RBFOX1: variants seen among roughly 807,000 people sequenced by gnomAD.
RBFOX1 encodes RNA binding protein fox-1 homolog 1.
RBFOX1 carries 8 observed loss-of-function variants against 57.7 expected under a neutral mutation model. The ratio of observed to expected loss-of-function variants is 0.14; its 90% CI spans 0.08 to 0.25. RBFOX1 has a LOEUF of 0.25. Among genes scored for constraint, RBFOX1 ranks in the 10% least tolerant of loss-of-function variants. The pLI is 1.00. For synonymous variants in RBFOX1, 326 were observed against 222.4 expected (o/e 1.47, Z -4.15); for missense variants, 611 against 548.5 (o/e 1.11, Z -1.14).
chr16:6,423,319 C>G (rs571845726), intron 2 of RBFOX1, among the ~76,000 whole-genome samples: 2 of 152,158 alleles, frequency 1.3e-5, no homozygotes, highest in Admixed American at 1.3e-4. Flanking sequence ...GTCTTCCTGA[C>G]CAGGCGTGGT....
At chr16:7,250,159 A>T (rs2094454004) in intron 4 of RBFOX1, among the ~76,000 whole-genome samples, 1 of 152,094 alleles carries the variant, frequency 6.6e-6, no homozygotes, top group African/African-American at 2.4e-5. Flanking sequence ...TTTTCGAGAG[A>T]AGTATCTTTA....
intron 1 of RBFOX1, among the ~76,000 whole-genome samples, chr16:6,180,588 T>C (rs2097055223): frequency 6.6e-6 from 1 of 151,926 alleles, no homozygotes; most frequent in South Asian, 2.1e-4. Context: ...TTTTTTGAGA[T>C]GGAGTTTCGC....
chr16:5,403,305 G>A (rs1187333303), intron 1 of RBFOX1, among the ~76,000 whole-genome samples: 4 of 147,218 alleles, frequency 2.7e-5, no homozygotes, highest in South Asian at 2.2e-4. Flanking sequence ...TGCCGAGATC[G>A]TGCCATTGCA....
chr16:7,677,280 G>A (rs2073623509), intron 14 of RBFOX1, among the ~76,000 whole-genome samples: 3 of 151,908 alleles, frequency 2.0e-5, no homozygotes, highest in African/African-American at 7.3e-5. Flanking sequence ...CTTTTTACAA[G>A]GTCTTATACC....
chr16:6,920,049 C>T (rs1452659888), intron 3 of RBFOX1, among the ~76,000 whole-genome samples: 1 of 152,074 alleles, frequency 6.6e-6, no homozygotes, highest in Admixed American at 6.6e-5. Context: ...TTTTTCCGTT[C>T]CTGAGTTACT....
intron 1 of RBFOX1, among the ~76,000 whole-genome samples, chr16:5,441,001 A>G (rs960168554): frequency 6.6e-6 from 1 of 152,164 alleles, no homozygotes; most frequent in African/African-American, 2.4e-5. Flanking sequence ...ATACATTTTA[A>G]TGGAAGTAGC....
intron 1 of RBFOX1, among the ~76,000 whole-genome samples, chr16:6,181,569 G>A (rs2097063035): frequency 6.6e-6 from 1 of 152,158 alleles, no homozygotes; most frequent in Non-Finnish European, 1.5e-5. Flanking sequence ...AGCCAGGAAA[G>A]GGCACAACGC....
At chr16:6,835,941 C>T (rs559647891) in intron 3 of RBFOX1, among the ~76,000 whole-genome samples, 5 of 152,096 alleles carry the variant, frequency 3.3e-5, no homozygotes, top group African/African-American at 1.2e-4. Flanking sequence ...TGATAAAGAG[C>T]AGCACCTCCA....
chr16:6,036,989 A>G (rs1029407132), intron 1 of RBFOX1, among the ~76,000 whole-genome samples: 2 of 152,128 alleles, frequency 1.3e-5, no homozygotes, highest in African/African-American at 4.8e-5. Context: ...TTCTGGTGGG[A>G]CTGTGTGTGT....
intron 4 of RBFOX1, among the ~76,000 whole-genome samples, chr16:7,150,150 C>G (rs1034077949): frequency 1.3e-5 from 2 of 152,110 alleles, no homozygotes; most frequent in African/African-American, 4.8e-5. Context: ...TTGATGTTTC[C>G]TATTAGCAGC....
intron 4 of RBFOX1, among the ~76,000 whole-genome samples, chr16:7,121,112 T>C (rs1226389027): frequency 6.6e-6 from 1 of 152,174 alleles, no homozygotes; most frequent in East Asian, 1.9e-4. Context: ...AGGCACCTTC[T>C]GCAACCTGGT....
At chr16:6,687,716 GGGA>G in intron 3 of RBFOX1, among the ~76,000 whole-genome samples, 1 of 152,122 alleles carries the variant, frequency 6.6e-6, no homozygotes, top group Non-Finnish European at 1.5e-5. Flanking sequence ...GCAGCGGCCG[GGGA>G]GGACAGAGGA....
intron 3 of RBFOX1, among the ~76,000 whole-genome samples, chr16:6,930,264 A>T (rs774445394): frequency 6.6e-6 from 1 of 152,244 alleles, no homozygotes; most frequent in Non-Finnish European, 1.5e-5. Flanking sequence ...AACCGAGCAG[A>T]GGATTTGAAT....
chr16:6,736,800 G>A (rs2154178946), intron 3 of RBFOX1, among the ~76,000 whole-genome samples: 1 of 152,272 alleles, frequency 6.6e-6, no homozygotes, highest in Admixed American at 6.5e-5. Flanking sequence ...GACCATGTAT[G>A]GAATGCTGTA....
intron 2 of RBFOX1, among the ~76,000 whole-genome samples, chr16:6,452,723 C>T (rs2094661950): frequency 6.6e-6 from 1 of 152,210 alleles, no homozygotes; most frequent in South Asian, 2.1e-4. Flanking sequence ...TTAGCCTTTG[C>T]AGTTAGACTG....
chr16:7,510,471 G>C (rs1239992798), intron 4 of RBFOX1, among the ~76,000 whole-genome samples: 1 of 132,308 alleles, frequency 7.6e-6, no homozygotes, highest in Non-Finnish European at 1.6e-5. Context: ...AAGAGAGTGT[G>C]TGTGTGTATG....
chr16:5,977,714 A>G (rs763670410), intron 4 of RBFOX1, among the ~76,000 whole-genome samples: 1 of 152,066 alleles, frequency 6.6e-6, no homozygotes, highest in African/African-American at 2.4e-5. Flanking sequence ...GAAAAGTTAG[A>G]AGAGTGCTCC....
chr16:5,790,802 A>T (rs899543962), intron 3 of RBFOX1, among the ~76,000 whole-genome samples: 1 of 151,390 alleles, frequency 6.6e-6, no homozygotes, highest in Non-Finnish European at 1.5e-5. Flanking sequence ...TTCCAGAGTC[A>T]CTGCTGCTGC....
chr16:6,109,833 C>T (rs1459710962), intron 1 of RBFOX1, among the ~76,000 whole-genome samples: 1 of 152,134 alleles, frequency 6.6e-6, no homozygotes. Flanking sequence ...TTCTTTTCTT[C>T]AATTTTACAT....
Sources: gnomAD v4.1 joint callset for allele counts (sites outside exome capture counted in the v4.1 genomes callset) on GRCh38, gnomAD v4.1.1 for gene constraint, MANE v1.5 for transcripts, NCBI Gene and HGNC (gene_info 2026-07-23, HGNC 2026-07-21) for gene names.